Variants in AMPH observed in about 807,000 individuals in gnomAD.
AMPH encodes amphiphysin (Stiff-Mann syndrome with breast cancer 128kD autoantigen).
In AMPH, 49 loss-of-function variants were observed where a neutral mutation model predicts 99.1. The observed-to-expected ratio is 0.49, with a 90% confidence interval of 0.39 to 0.63. The LOEUF (loss-of-function observed/expected upper bound fraction) is 0.63. Among genes scored for constraint, AMPH ranks in the 20% least tolerant of loss-of-function variants. The probability of loss-of-function intolerance (pLI) is 0.00; values close to 1 mark genes in which losing one functional copy is unlikely to be tolerated. For synonymous variants in AMPH, 314 were observed against 317.3 expected, an observed-to-expected ratio of 0.99 and a Z score of 0.11; for missense variants, 759 against 863.4, an observed-to-expected ratio of 0.88 and a Z score of 1.52.
intron 1 of AMPH, among the ~76,000 whole-genome samples, chr7:38,613,227 C>G (rs1266238516): frequency 6.6e-6 from 1 of 152,182 alleles, no homozygotes; most frequent in African/African-American, 2.4e-5. Flanking sequence ...CAAAATCTTT[C>G]TGTAATTCTA....
intron 11 of AMPH, among the ~76,000 whole-genome samples, chr7:38,442,258 T>C (rs538925786): frequency 1.9e-4 from 29 of 152,244 alleles, no homozygotes; most frequent in Admixed American, 8.5e-4. Flanking sequence ...AAAAGTTTAA[T>C]AAAAACTTGC....
chr7:38,450,410 A>G (rs552285742), intron 11 of AMPH, among the ~76,000 whole-genome samples: 1 of 152,250 alleles, frequency 6.6e-6, no homozygotes, highest in South Asian at 2.1e-4. Context: ...CATGCTTTTG[A>G]GCACCTTTCT....
intron 1 of AMPH, among the ~76,000 whole-genome samples, chr7:38,605,254 G>A (rs1793393177): frequency 6.6e-6 from 1 of 152,088 alleles, no homozygotes; most frequent in African/African-American, 2.4e-5. Flanking sequence ...TAAAGTTTGG[G>A]TATTGAGAGA....
At chr7:38,519,317 T>C (rs1054530834) in intron 2 of AMPH, among the ~76,000 whole-genome samples, 3 of 152,252 alleles carry the variant, frequency 2.0e-5, no homozygotes, top group Non-Finnish European at 2.9e-5. Flanking sequence ...AATTCACTTA[T>C]AGAATACTGC....
rs575120668 is a variant in AMPH, at chr7:38,607,491, A to T, written c.69+23792T>A. Among the ~76,000 whole-genome samples the T allele has an allele frequency of 4.6e-5, 7 of 152,334 alleles. No homozygotes were observed. The South Asian group carries it at 1.4e-3, about 32-fold the overall frequency. ...ACCCTTTATGATTTCTCAAGCTACC[A>T]TCAAAGAGGCTCCAGTGGTCAACAG... On this transcript the variant is annotated intron_variant, in intron 1 of 20. Coordinates refer to ENST00000356264, the MANE Select transcript of AMPH (RefSeq NM_001635.4).
intron 5 of AMPH, among the ~76,000 whole-genome samples, chr7:38,490,799 T>C (rs115036244): frequency 0.04 from 6,111 of 152,284 alleles, 432 homozygotes; most frequent in African/African-American, 0.14. Context: ...TTTATATCTA[T>C]AGGTTTAAAA....
At chr7:38,419,287 T>A (rs1249881534) in intron 16 of AMPH, among the ~76,000 whole-genome samples, 1 of 152,158 alleles carries the variant, frequency 6.6e-6, no homozygotes, top group Non-Finnish European at 1.5e-5. Flanking sequence ...ACAAAATGAA[T>A]ATGAATAGCC....
chr7:38,580,658 GGATGATGAT>G (rs60977723), intron 1 of AMPH, among the ~76,000 whole-genome samples: 42,877 of 149,344 alleles, frequency 0.29, 6,435 homozygotes, highest in Non-Finnish European at 0.33. Context: ...AAGAGATATG[GGATGATGAT>G]GATGATGATG....
intron 17 of AMPH, among the ~76,000 whole-genome samples, chr7:38,414,380 A>C (rs1785305691): frequency 6.6e-6 from 1 of 152,224 alleles, no homozygotes; most frequent in Non-Finnish European, 1.5e-5. Context: ...TGTTCTAAAA[A>C]CTATGCTAAC....
At chr7:38,559,822 C>T (rs1000947945) in intron 1 of AMPH, among the ~76,000 whole-genome samples, 9 of 152,128 alleles carry the variant, frequency 5.9e-5, no homozygotes, top group East Asian at 3.8e-4. Context: ...TTCAGTATGC[C>T]GAGTTTGTGG....
chr7:38,533,401 A>G (rs1440609452), intron 2 of AMPH, among the ~76,000 whole-genome samples: 1 of 152,130 alleles, frequency 6.6e-6, no homozygotes, highest in Non-Finnish European at 1.5e-5. Flanking sequence ...TATCCCATTC[A>G]TGGTAAACTG....
chr7:38,393,128 G>A (rs930717587), intron 18 of AMPH, among the ~76,000 whole-genome samples: 1 of 152,006 alleles, frequency 6.6e-6, no homozygotes, highest in East Asian at 1.9e-4. Context: ...AAAACACTCT[G>A]GGCACTGTGA....
At chr7:38,472,653 A>G (rs891096435) in intron 7 of AMPH, among the ~76,000 whole-genome samples, 9 of 152,192 alleles carry the variant, frequency 5.9e-5, no homozygotes, top group Non-Finnish European at 8.8e-5. Context: ...TCTGGATTTC[A>G]TTAAGAAATA....
rs544093803 is a variant in AMPH at position 38,601,222 on chromosome 7, T to C, written c.69+30061A>G. Among the ~76,000 whole-genome samples, 7 of 152,326 alleles carry C rather than the reference T, an allele frequency of 4.6e-5. No homozygotes were observed. In the South Asian group the frequency reaches 1.4e-3, roughly 32 times the overall value. On this transcript the variant is annotated intron_variant, in intron 1 of 20. Coordinates refer to ENST00000356264, the MANE Select transcript of AMPH (RefSeq NM_001635.4). Reference sequence around the variant, plus strand: ...GTCAAGGCCTCATCCACAGCCACCATGGCTGGCCCTTCTTCGCTACTGCAA... The same window carrying C: ...GTCAAGGCCTCATCCACAGCCACCACGGCTGGCCCTTCTTCGCTACTGCAA...
intron 1 of AMPH, among the ~76,000 whole-genome samples, chr7:38,565,366 T>TTCTCACAG (rs1240270724): frequency 6.6e-6 from 1 of 152,126 alleles, no homozygotes; most frequent in Admixed American, 6.5e-5. Flanking sequence ...AACATGTACT[T>TTCTCACAG]TCTCACAGTT....
intron 10 of AMPH, among the ~76,000 whole-genome samples, chr7:38,462,741 G>A (rs1787497838): frequency 6.6e-6 from 1 of 152,158 alleles, no homozygotes; most frequent in African/African-American, 2.4e-5. Context: ...AGCATGCCGA[G>A]AACGTGGTAA....
chr7:38,413,162 C>T (rs954918465), intron 17 of AMPH, among the ~76,000 whole-genome samples: 8 of 152,102 alleles, frequency 5.3e-5, no homozygotes, highest in Admixed American at 1.3e-4. Context: ...AACCTCTGCA[C>T]GACAGATGTT....
chr7:38,551,827 A>G (rs78508410), intron 1 of AMPH, among the ~76,000 whole-genome samples: 1 of 152,214 alleles, frequency 6.6e-6, no homozygotes, highest in African/African-American at 2.4e-5. Context: ...CTGTTAGAAA[A>G]TTGGAAAAGT....
At chr7:38,484,116 A>G (rs1264340984) in intron 5 of AMPH, among the ~76,000 whole-genome samples, 1 of 152,118 alleles carries the variant, frequency 6.6e-6, no homozygotes, top group Non-Finnish European at 1.5e-5. Flanking sequence ...AGTTTAAGGG[A>G]TTTATGGGAC....
Sources: allele counts gnomAD v4.1 joint callset (sites outside exome capture counted in the v4.1 genomes callset), GRCh38; gene constraint gnomAD v4.1.1; transcripts MANE v1.5; gene names NCBI Gene and HGNC (gene_info 2026-07-23, HGNC 2026-07-21).